Variants in DNAH7 observed in about 807,000 individuals in gnomAD.
The protein encoded by DNAH7 is axonemal beta dynein heavy chain 7.
DNAH7 carries 397 observed loss-of-function variants against 444.6 expected under a neutral mutation model. That is an observed-to-expected ratio of 0.89 (90% CI 0.82 to 0.97). The LOEUF is 0.97. Among genes scored for constraint, DNAH7 ranks in the 50% least tolerant of loss-of-function variants. The pLI, the probability that DNAH7 is intolerant of heterozygous loss-of-function variation, is 0.00. For synonymous variants in DNAH7, 1,636 were observed against 1,624.4 expected, an observed-to-expected ratio of 1.01 and a Z score of -0.17; for missense variants, 4,902 against 4,800.8, an observed-to-expected ratio of 1.02 and a Z score of -0.62.
At position 196,047,460 on chromosome 2, in the gene DNAH7, G is replaced by C. The variant is rs747290677; in HGVS notation, c.290C>G (p.Pro97Arg). 1.9e-6 allele frequency: 3 copies of C among 1,596,922 alleles called. No homozygotes were observed. The highest frequency in any genetic ancestry group is 2.3e-5 in the South Asian group (2 of 87,686). The change falls in exon 5 of 65, where the codon CCC becomes CGC. Residue 97 changes from proline to arginine, a missense_variant. Pro to Arg is a moderately radical substitution (Grantham distance 103). Transcript: ENST00000312428. ...AACATAACTATCATCAACTTGGTGG[G>C]GTAATTTGCCCTTTTTTCCAAAACG... ...MERFGKKGKL[P>R]HQVDDSYVGP...
intron 61 of DNAH7, among the ~76,000 whole-genome samples, chr2:195,767,698 G>A (rs1694649336): frequency 1.3e-5 from 2 of 151,850 alleles, no homozygotes; most frequent in Admixed American, 6.6e-5. Context: ...TAATTATAAT[G>A]TGTAATTTCT....
chr2:195,999,590 A>T (rs1693913252), intron 12 of DNAH7, among the ~76,000 whole-genome samples: 1 of 152,058 alleles, frequency 6.6e-6, no homozygotes, highest in Non-Finnish European at 1.5e-5. Flanking sequence ...GGATATTGGT[A>T]GTATCGCATA....
chr2:195,754,412 T>C lies in DNAH7; in HGVS notation c.11689A>G (p.Thr3897Ala). 6.8e-6 allele frequency: 11 copies of C among 1,614,094 alleles called. No homozygotes were observed. Among genetic ancestry groups the C allele is most frequent in the East Asian group, 2.2e-5 (1 of 44,880 alleles). ...AACCCAAGAAGATCAATAGGAATTG[T>C]GTATTTCCTGGCGTAGTTCTGCTGG... ...GAQQNYARKYTIPIDLLGFDY... is the reference protein window; with the variant it reads ...GAQQNYARKYAIPIDLLGFDY... Residue 3897 changes from threonine to alanine, a missense_variant, in exon 63 of 65, where the codon ACA becomes GCA. Coordinates refer to ENST00000312428, the MANE Select transcript of DNAH7 (RefSeq NM_018897.3).
chr2:195,834,309 T>C lies in DNAH7; in HGVS notation c.8997A>G (p.Lys2999=). The change falls in exon 48 of 65, where the codon AAA becomes AAG. Residue 2999 remains lysine, a synonymous_variant. Transcript: ENST00000312428. ...TGGCTTTTTCCATGTTCTTGATCCATTTATTAGCCTGACTTTGAGGATCTA... is the reference window on the plus strand; with the variant it reads ...TGGCTTTTTCCATGTTCTTGATCCACTTATTAGCCTGACTTTGAGGATCTA... ...LMIDPQSQAN[K]WIKNMEKANS... is the part of the protein sequence containing the mutation. 3 of 1,606,196 alleles carry C rather than the reference T, an allele frequency of 1.9e-6. No homozygotes were observed. Among genetic ancestry groups the C allele is most frequent in the Non-Finnish European group, 2.6e-6 (3 of 1,173,550 alleles).
intron 12 of DNAH7, chr2:195,995,392 T>C (rs1693632577): frequency 3.2e-5 from 16 of 500,474 alleles, no homozygotes; most frequent in South Asian, 2.3e-4. Flanking sequence ...CCAAGGGATG[T>C]ATCATATGGC....
At chr2:195,981,313 A>G (rs1692556614) in intron 15 of DNAH7, among the ~76,000 whole-genome samples, 1 of 152,130 alleles carries the variant, frequency 6.6e-6, no homozygotes, top group African/African-American at 2.4e-5. Flanking sequence ...TGAAAATTAT[A>G]ACACAATGAT....
Position 195,766,167 on chromosome 2 carries a change from A to ATTTTTTT in DNAH7, c.11433+5486_11433+5492dup, listed in dbSNP as rs755912873. ...GTTCTCGTTTAATTTGTGGGAGCTAATTTTTTTTTTTTTTTTTTTTTTTTG... is the reference window on the plus strand; with the variant it reads ...GTTCTCGTTTAATTTGTGGGAGCTAATTTTTTTTTTTTTTTTTTTTTTTTTTTTTTTG... On this transcript the variant is annotated intron_variant, in intron 61 of 64. Transcript: ENST00000312428. Among the ~76,000 whole-genome samples the ATTTTTTT allele has an allele frequency of 2.0e-3, 113 of 57,336 alleles. 17 individuals are homozygous for ATTTTTTT. The highest frequency in any genetic ancestry group is 0.012 in the Middle Eastern group (1 of 84). The allele number at this position is 57,336 out of a possible 152,430, so 37.6% of individuals were successfully genotyped here.
intron 21 of DNAH7, among the ~76,000 whole-genome samples, chr2:195,931,056 G>A (rs1688658826): frequency 6.6e-6 from 1 of 152,130 alleles, no homozygotes; most frequent in South Asian, 2.1e-4. Context: ...GAGGGGTCAA[G>A]GTTGATATAC....
intron 48 of DNAH7, among the ~76,000 whole-genome samples, chr2:195,827,808 C>A (rs1306034462): frequency 6.6e-6 from 1 of 151,970 alleles, no homozygotes; most frequent in African/African-American, 2.4e-5. Flanking sequence ...AACTCCTGGG[C>A]TCAACCAATC....
chr2:195,950,860 A>AAAAC (rs1690188456), intron 19 of DNAH7, among the ~76,000 whole-genome samples: 1 of 143,136 alleles, frequency 7.0e-6, no homozygotes, highest in Non-Finnish European at 1.5e-5. Flanking sequence ...TCAAAAAAAA[A>AAAAC]AAAAAAAAAA....
rs1695458296 is a variant in DNAH7, at chr2:195,782,937, A to G, written c.10878+4073T>C. Among the ~76,000 whole-genome samples the G allele has an allele frequency of 2.0e-5, 3 of 152,060 alleles. No individual in the cohort carries two copies. The South Asian group carries it at 6.2e-4, about 32-fold the overall frequency. On this transcript the variant is annotated intron_variant, in intron 58 of 64. Transcript: ENST00000312428. ...CATCTATTTTCAGGCTTCTCCTAACACTTGAATAACCTATAAATCTCTATT... is the reference window on the plus strand; with the variant it reads ...CATCTATTTTCAGGCTTCTCCTAACGCTTGAATAACCTATAAATCTCTATT...
Position 195,891,811 on chromosome 2 carries a change from G to GA in DNAH7, c.4897-8dup, listed in dbSNP as rs11292337. 331 of 1,226,092 alleles carry GA rather than the reference G, an allele frequency of 2.7e-4. No individual in the cohort carries two copies. Among genetic ancestry groups the GA allele is most frequent in the African/African-American group, 2.0e-3 (132 of 66,982 alleles). 76.0% of individuals were successfully genotyped at this position (1,226,092 alleles called of 1,614,324 possible). A position where few individuals can be genotyped will look rare whatever the true frequency, so the allele number is the denominator to read the frequency against. On this transcript the variant is annotated splice_region_variant and splice_polypyrimidine_tract_variant and intron_variant, in intron 30 of 64. Transcript: ENST00000312428. ...TGTTTTCTTCCATTAGCCCCTTAAT[G>GA]AAAAAAAAAAACATTTATTTATGTA... is the stretch of plus-strand genomic sequence containing the variant.
At chr2:195,975,989 A>T (rs1156874921) in intron 15 of DNAH7, among the ~76,000 whole-genome samples, 1 of 152,218 alleles carries the variant, frequency 6.6e-6, no homozygotes, top group East Asian at 1.9e-4. Context: ...GCACATTCAC[A>T]ACTGTAGTGG....
chr2:195,767,895 A>G (rs1252725742), intron 61 of DNAH7, among the ~76,000 whole-genome samples: 1 of 151,904 alleles, frequency 6.6e-6, no homozygotes, highest in Non-Finnish European at 1.5e-5. Flanking sequence ...ACGGAATGAA[A>G]TATTTGATCC....
chr2:195,742,773 C>T (rs1693121666), intron 63 of DNAH7, among the ~76,000 whole-genome samples: 1 of 152,184 alleles, frequency 6.6e-6, no homozygotes, highest in South Asian at 2.1e-4. Context: ...GCAGTGCTGT[C>T]AACTGGTGAC....
chr2:195,934,756 TC>T lies in DNAH7; in HGVS notation c.3305del (p.Gly1102GlufsTer5). 6.2e-7 allele frequency: 1 copy of T among 1,614,116 alleles called. No homozygotes were observed. Among genetic ancestry groups the T allele is most frequent in the Non-Finnish European group, 8.5e-7 (1 of 1,179,988 alleles). On this transcript the variant is annotated frameshift_variant, in exon 21 of 65. Coordinates refer to ENST00000312428, the MANE Select transcript of DNAH7 (RefSeq NM_018897.3). LOFTEE classifies it high-confidence loss of function. ...TTTCCGTAAATTCTACCTTTGCGAT[TC>T]CTTCAAAACATTTCTTCAAGTGAGG... ...VQPHLKKCFE[G>X]IAKVEFTETL...
chr2:195,782,791 G>A (rs760803290), intron 58 of DNAH7, among the ~76,000 whole-genome samples: 4 of 152,038 alleles, frequency 2.6e-5, no homozygotes, highest in Non-Finnish European at 4.4e-5. Context: ...TTTTTTTCCT[G>A]GCTGCACCAT....
At chr2:195,873,376 A>G (rs1231715631) in intron 39 of DNAH7, among the ~76,000 whole-genome samples, 192 bp downstream of exon 39, 1 of 152,242 alleles carries the variant, frequency 6.6e-6, no homozygotes, top group East Asian at 1.9e-4. Context: ...ATTACATAGC[A>G]GAATGGTCAG....
chr2:195,891,545 A>G, intron 31 of DNAH7, 110 bp downstream of exon 31: 1 of 1,005,088 alleles, frequency 9.9e-7, no homozygotes, highest in East Asian at 3.0e-5. Flanking sequence ...GTTTTAAATA[A>G]TATCTTAATC....
Sources: gnomAD v4.1 joint callset for allele counts (sites outside exome capture counted in the v4.1 genomes callset) on GRCh38, gnomAD v4.1.1 for gene constraint, MANE v1.5 for transcripts, NCBI Gene and HGNC (gene_info 2026-07-23, HGNC 2026-07-21) for gene names.